Variants in HADHB observed in about 807,000 individuals in gnomAD.
HADHB encodes trifunctional enzyme subunit beta, mitochondrial.
HADHB carries 50 observed loss-of-function variants against 61.9 expected under a neutral mutation model. That is an observed-to-expected ratio of 0.81 (90% CI 0.64 to 1.02). The LOEUF is 1.02. HADHB is among the 50% of genes least tolerant of loss of function. The probability of loss-of-function intolerance (pLI) is 0.00; values close to 1 mark genes in which losing one functional copy is unlikely to be tolerated. For missense variants in HADHB, 504 were observed against 586.5 expected (o/e 0.86, Z 1.45); for synonymous variants, 191 against 201.6 (o/e 0.95, Z 0.45).
chr2:26,283,188 C>T (rs1158597814), intron 12 of HADHB, 137 bp downstream of exon 12: 3 of 731,268 alleles, frequency 4.1e-6, no homozygotes, highest in African/African-American at 1.8e-5. Context: ...ATATTAAGCC[C>T]TGAGTTCATA....
chr2:26,278,853 T>C, intron 8 of HADHB, 52 bp downstream of exon 8: 1 of 1,433,496 alleles, frequency 7.0e-7, no homozygotes, highest in Non-Finnish European at 9.8e-7. Flanking sequence ...GAATTAGGTA[T>C]GGCAGTGTGG....
At chr2:26,258,413 G>A (rs745829643) in intron 3 of HADHB, among the ~76,000 whole-genome samples, 3 of 152,208 alleles carry the variant, frequency 2.0e-5, no homozygotes, top group Non-Finnish European at 2.9e-5. Flanking sequence ...GGAACCCAGC[G>A]ACTAGCGTTG....
Position 26,263,431 on chromosome 2 carries a change from T to G in HADHB, c.161T>G (p.Val54Gly). 6.2e-7 allele frequency: 1 copy of G among 1,613,174 alleles called. No homozygotes were observed. The highest frequency in any genetic ancestry group is 8.5e-7 in the Non-Finnish European group (1 of 1,179,224). The part of the protein sequence containing the change: ...KTLAKPNIRN[V>G]VVVDGVRTPF... ...TTAGCCAAACCCAATATAAGGAATG[T>G]TGTGGTGGTGGATGGTGTTCGCACT... Residue 54 changes from valine to glycine, a missense_variant, in exon 4 of 16, where the codon GTT (valine) becomes GGT (glycine). By Grantham distance (109) the Val-to-Gly change is moderately radical. Coordinates refer to ENST00000317799, the MANE Select transcript of HADHB (RefSeq NM_000183.3).
intron 15 of HADHB, among the ~76,000 whole-genome samples, chr2:26,286,720 G>A (rs890243740): frequency 1.3e-5 from 2 of 150,762 alleles, no homozygotes; most frequent in African/African-American, 2.4e-5. Context: ...TGGCCAGGCC[G>A]GTCTCGAACT....
intron 15 of HADHB, among the ~76,000 whole-genome samples, chr2:26,289,177 G>A (rs1364237919): frequency 1.3e-5 from 2 of 152,328 alleles, no homozygotes; most frequent in East Asian, 3.9e-4. Context: ...GTGAACCCGG[G>A]AGGCGGAGCT....
At chr2:26,251,353 GT>G (rs1475738748) in intron 1 of HADHB, among the ~76,000 whole-genome samples, 1 of 151,656 alleles carries the variant, frequency 6.6e-6, no homozygotes, top group Non-Finnish European at 1.5e-5. Flanking sequence ...TGCCCAGCTA[GT>G]TTTTTGTATT....
intron 4 of HADHB, among the ~76,000 whole-genome samples, chr2:26,264,675 C>T (rs964188343): frequency 6.7e-6 from 1 of 149,912 alleles, no homozygotes. Context: ...CATTTTTAAA[C>T]AGATGGTTTG....
rs7604564 is a variant in HADHB at position 26,279,085 on chromosome 2, C to A, written c.631-50C>A. 0.21 allele frequency: 291,707 copies of A among 1,379,202 alleles called. 31,750 individuals carry two copies. The highest frequency in any genetic ancestry group is 0.27 in the Middle Eastern group (1,500 of 5,576). 85.4% of individuals were successfully genotyped at this position (1,379,202 alleles called of 1,614,324 possible). On this transcript the variant is annotated intron_variant, in intron 8 of 15. Transcript: ENST00000317799. ...AACACAGAACAATCCTAGGTGTTAGCATAACACCGGTTAACAGTGTACCTG... is the reference window on the plus strand; with the variant it reads ...AACACAGAACAATCCTAGGTGTTAGAATAACACCGGTTAACAGTGTACCTG...
In HADHB at chr2:26,284,122, C is replaced by T; in HGVS notation, c.1067C>T (p.Thr356Ile). Residue 356 changes from threonine to isoleucine, a missense_variant, in exon 13 of 16, where the codon ACA becomes ATA. Physicochemically the swap from Thr to Ile is moderately conservative, Grantham distance 89. Coordinates refer to ENST00000317799, the MANE Select transcript of HADHB (RefSeq NM_000183.3). ...TACTTATTTTTTCTTTGCAGACCAACATATGCTACTCCAAAAGTTCTAGAA... is the reference window on the plus strand; with the variant it reads ...TACTTATTTTTTCTTTGCAGACCAATATATGCTACTCCAAAAGTTCTAGAA... ...DPKDQLLLGP[T>I]YATPKVLEKA... The T allele has an allele frequency of 1.3e-6, 2 of 1,565,190 alleles. No individual in the cohort carries two copies. The highest frequency in any genetic ancestry group is 1.8e-6 in the Non-Finnish European group (2 of 1,135,624).
intron 1 of HADHB, among the ~76,000 whole-genome samples, chr2:26,253,242 GTTA>G (rs1480155558): frequency 6.6e-6 from 1 of 152,066 alleles, no homozygotes; most frequent in Non-Finnish European, 1.5e-5. Flanking sequence ...AACATATAGG[GTTA>G]TTATATGTTT....
chr2:26,276,696 A>G lies in HADHB; in HGVS notation c.355-377A>G, dbSNP rs575978336. On this transcript the variant is annotated intron_variant, in intron 6 of 15. Coordinates refer to ENST00000317799, the MANE Select transcript of HADHB (RefSeq NM_000183.3). ...CCACCCCATAATATATTTCATCATC[A>G]TTCCAGCAACTGTCTTTAATAGGTT... 1.9e-4 allele frequency among the ~76,000 whole-genome samples: 29 copies of G among 152,352 alleles called. No homozygotes were observed. The South Asian group carries it at 5.4e-3, about 28-fold the overall frequency.
chr2:26,280,467 T>C (rs1422754349), intron 10 of HADHB, among the ~76,000 whole-genome samples: 1 of 152,066 alleles, frequency 6.6e-6, no homozygotes, highest in African/African-American at 2.4e-5. Flanking sequence ...CTGACCCAGA[T>C]GGGGGGACAG....
At chr2:26,254,193 AAAC>A in intron 1 of HADHB, 51 bp from the exon 2 acceptor site, 1 of 852,732 alleles carries the variant, frequency 1.2e-6, no homozygotes, top group Non-Finnish European at 2.1e-6. Context: ...ACTACAATGT[AAAC>A]TACAAATTGT....
intron 3 of HADHB, 188 bp downstream of exon 3, chr2:26,254,662 G>T (rs1355425562): frequency 1.8e-6 from 1 of 558,656 alleles, no homozygotes; most frequent in Non-Finnish European, 3.2e-6. Context: ...ACATTATTTA[G>T]GATTAGGCTT....
At chr2:26,253,044 T>G (rs574252149) in intron 1 of HADHB, among the ~76,000 whole-genome samples, 1 of 152,356 alleles carries the variant, frequency 6.6e-6, no homozygotes, top group East Asian at 1.9e-4. Flanking sequence ...ATTCTTCTTA[T>G]GAGTGAAATT....
At chr2:26,249,272 G>A (rs1313929927) in intron 1 of HADHB, among the ~76,000 whole-genome samples, 1 of 152,050 alleles carries the variant, frequency 6.6e-6, no homozygotes, top group Non-Finnish European at 1.5e-5. Flanking sequence ...GGTGGCTCAC[G>A]CCTGTAATCC....
At chr2:26,264,562 A>AC (rs1640864559) in intron 4 of HADHB, among the ~76,000 whole-genome samples, 1 of 151,204 alleles carries the variant, frequency 6.6e-6, no homozygotes, top group Non-Finnish European at 1.5e-5. Flanking sequence ...TCAAAAAAAA[A>AC]AAAAAAAAAA....
chr2:26,260,765 C>T, intron 3 of HADHB: 1 of 512,234 alleles, frequency 2.0e-6, no homozygotes, highest in Non-Finnish European at 3.5e-6. Flanking sequence ...GCAAGCAGCT[C>T]TAGGGGCCAG....
intron 9 of HADHB, 152 bp from the exon 10 acceptor site, chr2:26,279,842 T>A (rs2147826199): frequency 1.6e-6 from 1 of 634,606 alleles, no homozygotes; most frequent in East Asian, 2.8e-5. Flanking sequence ...GTTTAAAATT[T>A]GATAATATGA....
Sources: allele counts gnomAD v4.1 joint callset (sites outside exome capture counted in the v4.1 genomes callset), GRCh38; gene constraint gnomAD v4.1.1; transcripts MANE v1.5; gene names NCBI Gene and HGNC (gene_info 2026-07-23, HGNC 2026-07-21).